Variants in MGAT4C observed in about 807,000 individuals in gnomAD.
The protein encoded by MGAT4C is MGAT4 family member C.
MGAT4C carries 19 observed loss-of-function variants against 40.1 expected under a neutral mutation model. That is an observed-to-expected ratio of 0.47 (90% CI 0.33 to 0.70). MGAT4C has a LOEUF of 0.70. MGAT4C is among the 30% of genes least tolerant of loss of function. The pLI is 0.02. For synonymous variants in MGAT4C, 181 were observed against 187.1 expected (o/e 0.97, Z 0.27); for missense variants, 491 against 563.2 (o/e 0.87, Z 1.30).
chr12:86,200,858 T>G (rs764691629), intron 1 of MGAT4C, among the ~76,000 whole-genome samples: 2 of 152,098 alleles, frequency 1.3e-5, no homozygotes, highest in Non-Finnish European at 2.9e-5. Flanking sequence ...AAAACTTGTT[T>G]CCTCATAAAA....
chr12:86,413,081 C>T (rs1241271466), intron 3 of MGAT4C, among the ~76,000 whole-genome samples: 1 of 151,946 alleles, frequency 6.6e-6, no homozygotes, highest in South Asian at 2.1e-4. Context: ...GATTTTTAAC[C>T]TCTTTTTTCC....
intron 2 of MGAT4C, among the ~76,000 whole-genome samples, chr12:86,690,920 C>A (rs550616660): frequency 6.6e-6 from 1 of 152,240 alleles, no homozygotes; most frequent in South Asian, 2.1e-4. Context: ...AACCTGTTTG[C>A]ATAAGTTTTA....
chr12:86,570,583 G>A (rs1960320757), intron 2 of MGAT4C, among the ~76,000 whole-genome samples: 1 of 152,044 alleles, frequency 6.6e-6, no homozygotes, highest in South Asian at 2.1e-4. Context: ...CTTTAATCAA[G>A]GAGGTGAAAA....
chr12:86,202,673 T>C (rs1950094619), intron 1 of MGAT4C, among the ~76,000 whole-genome samples: 1 of 152,082 alleles, frequency 6.6e-6, no homozygotes, highest in Non-Finnish European at 1.5e-5. Flanking sequence ...TAGATCTTCA[T>C]TTAATTATTT....
chr12:86,044,364 G>C (rs769663776), intron 2 of MGAT4C, among the ~76,000 whole-genome samples: 1 of 152,198 alleles, frequency 6.6e-6, no homozygotes, highest in Non-Finnish European at 1.5e-5. Flanking sequence ...CATGCCAGCA[G>C]CAGTGGCAGC....
At chr12:86,147,080 T>C (rs1883620624) in intron 1 of MGAT4C, among the ~76,000 whole-genome samples, 1 of 152,082 alleles carries the variant, frequency 6.6e-6, no homozygotes, top group South Asian at 2.1e-4. Context: ...TTATGAAATG[T>C]GTGTGTGTGT....
At chr12:86,087,615 G>C (rs1486019793) in intron 1 of MGAT4C, among the ~76,000 whole-genome samples, 1 of 151,868 alleles carries the variant, frequency 6.6e-6, no homozygotes, top group African/African-American at 2.4e-5. Context: ...TTTAGGCTGA[G>C]ACTATGGGGA....
At chr12:86,249,541 G>A (rs1182806482) in intron 1 of MGAT4C, among the ~76,000 whole-genome samples, 2 of 152,048 alleles carry the variant, frequency 1.3e-5, no homozygotes, top group Non-Finnish European at 2.9e-5. Context: ...CCCTTCTAGA[G>A]TATTTAAAAT....
intron 2 of MGAT4C, among the ~76,000 whole-genome samples, chr12:86,621,734 T>C (rs1164170773): frequency 1.3e-5 from 2 of 152,158 alleles, no homozygotes; most frequent in East Asian, 3.9e-4. Flanking sequence ...TACCTCAGTC[T>C]CCAAAAATAT....
chr12:86,213,098 T>A (rs948655977), intron 1 of MGAT4C, among the ~76,000 whole-genome samples: 1 of 152,054 alleles, frequency 6.6e-6, no homozygotes, highest in Admixed American at 6.5e-5. Flanking sequence ...ATAGCTACAC[T>A]CCTGGAACAT....
chr12:86,179,000 C>T (rs1191382591), intron 1 of MGAT4C, among the ~76,000 whole-genome samples: 1 of 152,148 alleles, frequency 6.6e-6, no homozygotes, highest in Non-Finnish European at 1.5e-5. Context: ...TTCACATTTT[C>T]AGATTACACC....
intron 4 of MGAT4C, among the ~76,000 whole-genome samples, chr12:86,308,151 T>C (rs950040028): frequency 2.0e-5 from 3 of 150,846 alleles, no homozygotes; most frequent in Admixed American, 2.0e-4. Context: ...ATTATGTTTA[T>C]GTACATACAT....
At chr12:86,656,420 G>A (rs1371872210) in intron 2 of MGAT4C, among the ~76,000 whole-genome samples, 3 of 151,992 alleles carry the variant, frequency 2.0e-5, no homozygotes. Flanking sequence ...ACAAAGAAGA[G>A]ATACTGGAGA....
chr12:86,491,244 G>T (rs1284677475), intron 2 of MGAT4C, among the ~76,000 whole-genome samples: 2 of 152,090 alleles, frequency 1.3e-5, no homozygotes, highest in African/African-American at 2.4e-5. Flanking sequence ...CATTCCTTCT[G>T]AAACTATTCC....
chr12:86,214,696 T>C (rs1950601660), intron 1 of MGAT4C, among the ~76,000 whole-genome samples: 1 of 152,174 alleles, frequency 6.6e-6, no homozygotes, highest in Non-Finnish European at 1.5e-5. Flanking sequence ...TTCACCATCA[T>C]TGCCTGATAA....
intron 1 of MGAT4C, among the ~76,000 whole-genome samples, chr12:86,245,106 C>T (rs920406375): frequency 2.0e-5 from 3 of 152,190 alleles, no homozygotes; most frequent in East Asian, 3.9e-4. Context: ...TAATGGCCCA[C>T]TCTAAACTAA....
At chr12:86,508,391 A>T (rs1463027804) in intron 2 of MGAT4C, among the ~76,000 whole-genome samples, 4 of 152,132 alleles carry the variant, frequency 2.6e-5, no homozygotes, top group Admixed American at 2.6e-4. Context: ...CATGAACTCA[A>T]CATTTTTTAT....
At chr12:86,725,764 A>C (rs1409124440) in intron 2 of MGAT4C, among the ~76,000 whole-genome samples, 1 of 152,132 alleles carries the variant, frequency 6.6e-6, no homozygotes, top group Non-Finnish European at 1.5e-5. Flanking sequence ...CGCCCGGCCC[A>C]GCGCCCCCTT....
chr12:86,082,731 A>C (rs1029282060), intron 1 of MGAT4C, among the ~76,000 whole-genome samples: 2 of 152,148 alleles, frequency 1.3e-5, no homozygotes, highest in African/African-American at 4.8e-5. Context: ...GGGTTTATTC[A>C]TTATAAAAAT....
Sources: gnomAD v4.1 joint callset for allele counts (sites outside exome capture counted in the v4.1 genomes callset) on GRCh38, gnomAD v4.1.1 for gene constraint, MANE v1.5 for transcripts, NCBI Gene and HGNC (gene_info 2026-07-23, HGNC 2026-07-21) for gene names.